ROBO1: variants seen among roughly 807,000 people sequenced by gnomAD.
ROBO1 encodes the protein roundabout guidance receptor 1.
Under a neutral mutation model 195.9 loss-of-function variants are expected in ROBO1, and 149 were observed. The ratio of observed to expected loss-of-function variants is 0.76; its 90% confidence interval spans 0.67 to 0.87. ROBO1 has a LOEUF of 0.87. ROBO1 is among the 40% of genes least tolerant of loss of function. ROBO1 has a pLI of 0.00. For synonymous variants in ROBO1, 816 were observed against 733.2 expected (o/e 1.11, Z -1.82); for missense variants, 1,933 against 2,068.3 (o/e 0.93, Z 1.27).
intron 4 of ROBO1, among the ~76,000 whole-genome samples, chr3:78,765,394 A>G (rs966539170): frequency 5.3e-5 from 8 of 152,080 alleles, no homozygotes; most frequent in African/African-American, 1.9e-4. Flanking sequence ...CATAAAATTT[A>G]TTATTAAATA....
intron 2 of ROBO1, among the ~76,000 whole-genome samples, chr3:79,505,218 T>C (rs1031147097): frequency 2.6e-5 from 4 of 151,976 alleles, no homozygotes; most frequent in South Asian, 4.2e-4. Context: ...TCTATATATT[T>C]TTTTTTTCTT....
At chr3:79,581,702 T>C (rs897750700) in intron 2 of ROBO1, among the ~76,000 whole-genome samples, 1 of 152,090 alleles carries the variant, frequency 6.6e-6, no homozygotes, top group African/African-American at 2.4e-5. Flanking sequence ...TTCCAATCAT[T>C]TGTAATACCA....
chr3:78,940,429 A>C (rs2040068814), intron 3 of ROBO1, among the ~76,000 whole-genome samples: 1 of 152,170 alleles, frequency 6.6e-6, no homozygotes, highest in African/African-American at 2.4e-5. Context: ...GTAAGTCTTT[A>C]ACTAGACCTA....
At chr3:78,607,175 C>T (rs975723774) in intron 28 of ROBO1, 134 bp from the exon 29 acceptor site, 4 of 877,736 alleles carry the variant, frequency 4.6e-6, no homozygotes, top group Admixed American at 6.0e-5. Flanking sequence ...TTGAAGGTAA[C>T]CAAGGAAAAA....
At chr3:78,606,642 T>C in intron 29 of ROBO1, 91 bp downstream of exon 29, 1 of 1,316,886 alleles carries the variant, frequency 7.6e-7, no homozygotes, top group South Asian at 1.4e-5. Context: ...TTCTTAATCT[T>C]ACCACTTTTT....
intron 2 of ROBO1, among the ~76,000 whole-genome samples, chr3:79,511,119 T>G (rs1386933393): frequency 6.6e-6 from 1 of 152,242 alleles, no homozygotes; most frequent in Non-Finnish European, 1.5e-5. Flanking sequence ...GCCTTCATAT[T>G]ATAGAGCAGA....
chr3:78,614,631 C>T lies in ROBO1; in HGVS notation c.4435+17G>A, dbSNP rs374176620. ...GGCGAGATTCATAGACGTTTTCATC[C>T]GTGTCAATGGACTCACCATCTGTGT... On this transcript the variant is annotated intron_variant, in intron 28 of 30. Transcript: ENST00000464233. The T allele has an allele frequency of 5.8e-5, 94 of 1,611,842 alleles. No individual in the cohort carries two copies. The highest frequency in any genetic ancestry group is 5.7e-4 in the Admixed American group (34 of 59,910).
At chr3:79,206,144 T>C (rs1446394016) in intron 2 of ROBO1, among the ~76,000 whole-genome samples, 1 of 152,178 alleles carries the variant, frequency 6.6e-6, no homozygotes, top group Non-Finnish European at 1.5e-5. Context: ...CCAGCTGGCA[T>C]GTGAATCATC....
chr3:79,750,971 T>A (rs1437698083), intron 1 of ROBO1, among the ~76,000 whole-genome samples: 2 of 152,202 alleles, frequency 1.3e-5, no homozygotes. Flanking sequence ...TACTTGGTTG[T>A]TCTAAAATTA....
At chr3:78,731,978 G>C (rs1228134987) in intron 5 of ROBO1, among the ~76,000 whole-genome samples, 1 of 152,026 alleles carries the variant, frequency 6.6e-6, no homozygotes, top group Non-Finnish European at 1.5e-5. Flanking sequence ...ACCAACACCA[G>C]CTATATACAT....
chr3:78,952,176 A>C (rs867734606), intron 3 of ROBO1, among the ~76,000 whole-genome samples: 2 of 151,516 alleles, frequency 1.3e-5, no homozygotes, highest in African/African-American at 4.8e-5. Context: ...AAATGATTAA[A>C]GTATCTGTCT....
In ROBO1 at chr3:79,673,273, A is replaced by T. The variant is rs540598239; in HGVS notation, c.-50-83312T>A. Among the ~76,000 whole-genome samples the T allele has an allele frequency of 1.1e-4, 17 of 152,102 alleles. No individual in the cohort carries two copies. In the South Asian group the frequency reaches 3.5e-3, roughly 32 times the overall value. Reference sequence around the variant, plus strand: ...AATCATGCAGTAACAATTTTTATAAATTCATCAAGAATTCTCTTGAGGGTA... The same window carrying T: ...AATCATGCAGTAACAATTTTTATAATTTCATCAAGAATTCTCTTGAGGGTA... On this transcript the variant is annotated intron_variant, in intron 1 of 30. Coordinates refer to ENST00000464233, the MANE Select transcript of ROBO1 (RefSeq NM_002941.4).
chr3:79,160,961 C>T (rs1165103389), intron 2 of ROBO1, among the ~76,000 whole-genome samples: 1 of 152,018 alleles, frequency 6.6e-6, no homozygotes, highest in Admixed American at 6.6e-5. Flanking sequence ...ATATTTCCCT[C>T]ATGAGATAAT....
At position 79,732,007 on chromosome 3, in the gene ROBO1, C is replaced by T. The variant is rs114930115; in HGVS notation, c.-51+35745G>A. ...TTTCTTAGTTATGTGAACAACATTG[C>T]ATGAATTTCCACAAACCTAGAGTGT... On this transcript the variant is annotated intron_variant, in intron 1 of 30. Transcript: ENST00000464233. Among the ~76,000 whole-genome samples the T allele has an allele frequency of 2.8e-3, 428 of 152,112 alleles. 2 individuals carry two copies. The highest frequency in any genetic ancestry group is 9.6e-3 in the African/African-American group (399 of 41,512).
At chr3:79,244,761 T>C (rs1253803671) in intron 2 of ROBO1, among the ~76,000 whole-genome samples, 1 of 152,096 alleles carries the variant, frequency 6.6e-6, no homozygotes, top group African/African-American at 2.4e-5. Flanking sequence ...CTGTATTCTG[T>C]ATTTGAATAA....
rs191568907 is a variant in ROBO1 at position 78,927,942 on chromosome 3, T to C, written c.499+10659A>G. Among the ~76,000 whole-genome samples, 158 of 152,298 alleles carry C rather than the reference T, an allele frequency of 1.0e-3. 4 individuals are homozygous for C. The highest frequency in any genetic ancestry group is 3.1e-3 in the Admixed American group (47 of 15,302). On this transcript the variant is annotated intron_variant, in intron 4 of 30. Coordinates refer to ENST00000464233, the MANE Select transcript of ROBO1 (RefSeq NM_002941.4). ...AATCAACCGAAGAATGAGCCTAACA[T>C]AGTAAACAGCAGATGTTACAACAGC...
chr3:79,645,412 G>C (rs1349155589), intron 1 of ROBO1, among the ~76,000 whole-genome samples: 1 of 152,042 alleles, frequency 6.6e-6, no homozygotes, highest in African/African-American at 2.4e-5. Context: ...TGGGGCAGGA[G>C]GATCCTTTGA....
intron 2 of ROBO1, among the ~76,000 whole-genome samples, chr3:79,344,997 C>G (rs1296053824): frequency 2.0e-5 from 3 of 152,112 alleles, no homozygotes; most frequent in African/African-American, 7.2e-5. Context: ...TGAGGCCTCC[C>G]CAGTCATGCA....
intron 2 of ROBO1, among the ~76,000 whole-genome samples, chr3:79,370,634 G>GTT (rs1215098517): frequency 2.0e-5 from 3 of 150,744 alleles, no homozygotes; most frequent in African/African-American, 7.3e-5. Context: ...TATGATGTAA[G>GTT]TTATATATAT....
Sources: gnomAD v4.1 joint callset for allele counts (sites outside exome capture counted in the v4.1 genomes callset) on GRCh38, gnomAD v4.1.1 for gene constraint, MANE v1.5 for transcripts, NCBI Gene and HGNC (gene_info 2026-07-23, HGNC 2026-07-21) for gene names.